PRKG2: variants seen among roughly 807,000 people sequenced by gnomAD.
The protein encoded by PRKG2 is protein kinase cGMP-dependent 2, also known as cGMP-dependent protein kinase 2.
A neutral mutation model predicts 97.2 loss-of-function variants in PRKG2; 33 were observed. The observed-to-expected ratio is 0.34, with a 90% CI of 0.26 to 0.45. The LOEUF (loss-of-function observed/expected upper bound fraction) is 0.45. PRKG2 is among the 20% of genes least tolerant of loss of function. The pLI is 1.00. For synonymous variants in PRKG2, 330 were observed against 321.8 expected (o/e 1.03, Z -0.27); for missense variants, 638 against 900.0 (o/e 0.71, Z 3.73).
intron 12 of PRKG2, among the ~76,000 whole-genome samples, chr4:81,137,951 T>A (rs1746875802): frequency 6.6e-6 from 1 of 152,126 alleles, no homozygotes; most frequent in South Asian, 2.1e-4. Flanking sequence ...GGAAATAGAC[T>A]CTGAGACTGA....
At chr4:81,166,827 CTG>C (rs768573377) in intron 6 of PRKG2, among the ~76,000 whole-genome samples, 7 of 152,098 alleles carry the variant, frequency 4.6e-5, no homozygotes, top group Non-Finnish European at 8.8e-5. Context: ...TATGAAAACT[CTG>C]TAGGGGATTG....
At chr4:81,189,814 A>C (rs1461766458) in intron 2 of PRKG2, among the ~76,000 whole-genome samples, 2 of 152,076 alleles carry the variant, frequency 1.3e-5, no homozygotes, top group Admixed American at 6.6e-5. Flanking sequence ...TCATGAGTGA[A>C]CTCCCATTCA....
At chr4:81,213,283 T>C (rs2110139466) in intron 1 of PRKG2, among the ~76,000 whole-genome samples, 1 of 152,272 alleles carries the variant, frequency 6.6e-6, no homozygotes, top group East Asian at 1.9e-4. Context: ...GAAAGGAATG[T>C]CTCTATTGTT....
At chr4:81,189,373 A>AAC (rs1198815192) in intron 2 of PRKG2, among the ~76,000 whole-genome samples, 1 of 131,730 alleles carries the variant, frequency 7.6e-6, no homozygotes, top group Non-Finnish European at 1.5e-5. Flanking sequence ...TAAAAATGTC[A>AAC]ACACACACAA....
At chr4:81,201,037 T>C (rs1329095415) in intron 2 of PRKG2, among the ~76,000 whole-genome samples, 2 of 152,176 alleles carry the variant, frequency 1.3e-5, no homozygotes, top group Admixed American at 6.5e-5. Context: ...TCATTTTCTG[T>C]GGCGTTGTCC....
At chr4:81,180,693 A>G (rs1751328263) in intron 2 of PRKG2, among the ~76,000 whole-genome samples, 2 of 152,212 alleles carry the variant, frequency 1.3e-5, no homozygotes, top group East Asian at 1.9e-4. Flanking sequence ...ATTTTAACAC[A>G]TCTCTCTAAT....
At chr4:81,217,035 A>ATATATATATATG (rs1754300982), upstream of PRKG2, among the ~76,000 whole-genome samples, 1 of 135,848 alleles carries the variant, frequency 7.4e-6, no homozygotes, top group Non-Finnish European at 1.5e-5. Flanking sequence ...TATTTTGTAT[A>ATATATATATATG]TATATATATA....
intron 14 of PRKG2, among the ~76,000 whole-genome samples, chr4:81,117,440 G>C (rs1213358765): frequency 1.3e-5 from 2 of 152,006 alleles, no homozygotes; most frequent in African/African-American, 4.8e-5. Context: ...ACTGACTTTT[G>C]AGAGTTAGTG....
intron 14 of PRKG2, among the ~76,000 whole-genome samples, chr4:81,129,419 T>C (rs898787998): frequency 6.6e-6 from 1 of 152,154 alleles, no homozygotes; most frequent in Non-Finnish European, 1.5e-5. Context: ...ATCTGTCTAA[T>C]GTTGACAGTG....
chr4:81,150,757 G>A (rs1319027978), intron 8 of PRKG2, among the ~76,000 whole-genome samples: 2 of 152,094 alleles, frequency 1.3e-5, no homozygotes, highest in African/African-American at 4.8e-5. Context: ...TTGAAAGTAT[G>A]AGAAAATCTG....
rs543841039 is a variant in PRKG2 at position 81,163,294 on chromosome 4, G to A, written c.912+3867C>T. Among the ~76,000 whole-genome samples, 11 of 152,248 alleles carry A rather than the reference G, an allele frequency of 7.2e-5. No homozygotes were observed. The South Asian group carries it at 1.2e-3, about 17-fold the overall frequency. ...GAGTGCAACCAGTCAAGCCAGGGTG[G>A]TCACTGAGACCAAAAAGAGAAATGC... is the stretch of plus-strand genomic sequence containing the variant. On this transcript the variant is annotated intron_variant, in intron 6 of 18. Transcript: ENST00000264399.
chr4:81,092,718 G>A (rs754229528), intron 17 of PRKG2, among the ~76,000 whole-genome samples: 4 of 152,134 alleles, frequency 2.6e-5, no homozygotes, highest in Non-Finnish European at 5.9e-5. Context: ...TAGGCATCTG[G>A]CATGTATCAT....
At chr4:81,189,653 C>A (rs1423712630) in intron 2 of PRKG2, among the ~76,000 whole-genome samples, 2 of 151,240 alleles carry the variant, frequency 1.3e-5, no homozygotes, top group Non-Finnish European at 2.9e-5. Context: ...GGAGATATAC[C>A]TAATGCTAAA....
intron 6 of PRKG2, among the ~76,000 whole-genome samples, chr4:81,166,214 G>A (rs1749968760): frequency 6.6e-6 from 1 of 152,028 alleles, no homozygotes; most frequent in South Asian, 2.1e-4. Context: ...AGGATAAAAT[G>A]GTCCCTACTC....
intron 6 of PRKG2, 128 bp from the exon 7 acceptor site, chr4:81,153,849 G>A: frequency 4.6e-6 from 3 of 654,044 alleles, no homozygotes; most frequent in Non-Finnish European, 7.9e-6. Context: ...ATTTCCATCT[G>A]AGGTACCGGG....
intron 13 of PRKG2, among the ~76,000 whole-genome samples, chr4:81,135,731 AC>A (rs1746623142): frequency 6.6e-6 from 1 of 152,156 alleles, no homozygotes; most frequent in African/African-American, 2.4e-5. Context: ...CGTCAGAGTA[AC>A]CCCCGTAAAA....
intron 2 of PRKG2, among the ~76,000 whole-genome samples, chr4:81,198,639 C>T (rs1436007603): frequency 6.6e-6 from 1 of 152,114 alleles, no homozygotes; most frequent in African/African-American, 2.4e-5. Flanking sequence ...AACTGGAAAA[C>T]TGTTTCCAAA....
intron 6 of PRKG2, among the ~76,000 whole-genome samples, chr4:81,160,143 A>C (rs1330876427): frequency 6.6e-6 from 1 of 152,034 alleles, no homozygotes; most frequent in Non-Finnish European, 1.5e-5. Context: ...ATAAAAAGAT[A>C]ATGTAAGATC....
chr4:81,091,623 GA>G (rs915885214), intron 18 of PRKG2, among the ~76,000 whole-genome samples: 48 of 152,130 alleles, frequency 3.2e-4, no homozygotes, highest in African/African-American at 1.1e-3. Context: ...CAACATACTG[GA>G]AATCATATTC....
Sources: gnomAD v4.1 joint callset for allele counts (sites outside exome capture counted in the v4.1 genomes callset) on GRCh38, gnomAD v4.1.1 for gene constraint, MANE v1.5 for transcripts, NCBI Gene and HGNC (gene_info 2026-07-23, HGNC 2026-07-21) for gene names.